MALRD1: variants seen among roughly 807,000 people sequenced by gnomAD.
The protein encoded by MALRD1 is MAM and LDL-receptor class A domain-containing protein 1.
In MALRD1, 247 loss-of-function variants were observed where a neutral mutation model predicts 242.1. That is an observed-to-expected ratio of 1.02 (90% CI 0.92 to 1.13). The LOEUF is 1.13. Among genes scored for constraint, MALRD1 ranks in the 50% most tolerant of loss-of-function variants. MALRD1 has a pLI of 0.00. For synonymous variants in MALRD1, 995 were observed against 866.6 expected (o/e 1.15, Z -2.60); for missense variants, 2,989 against 2,533.1 (o/e 1.18, Z -3.86).
intron 8 of MALRD1, among the ~76,000 whole-genome samples, chr10:19,133,460 G>A (rs116044527): frequency 6.6e-6 from 1 of 152,076 alleles, no homozygotes; most frequent in Non-Finnish European, 1.5e-5. Flanking sequence ...TATATTGTTT[G>A]CCTGTAAACG....
chr10:19,429,008 G>A (rs1564331784), intron 28 of MALRD1, among the ~76,000 whole-genome samples: 1 of 152,140 alleles, frequency 6.6e-6, no homozygotes, highest in Admixed American at 6.5e-5. Flanking sequence ...AAGTATTCCT[G>A]TATGTTATTA....
At chr10:19,561,471 C>T (rs1564441936) in intron 32 of MALRD1, among the ~76,000 whole-genome samples, 1 of 152,094 alleles carries the variant, frequency 6.6e-6, no homozygotes, top group African/African-American at 2.4e-5. Context: ...GCAAGTATTT[C>T]CCTTTGCAAT....
intron 36 of MALRD1, among the ~76,000 whole-genome samples, chr10:19,686,825 C>T (rs1370481077): frequency 6.6e-6 from 1 of 152,146 alleles, no homozygotes; most frequent in Admixed American, 6.5e-5. Flanking sequence ...GCATGTGCAA[C>T]ATACATTGGG....
At chr10:19,730,644 T>C (rs895612743) in intron 38 of MALRD1, 62 bp from the exon 39 acceptor site, 1 of 1,477,988 alleles carries the variant, frequency 6.8e-7, no homozygotes, top group Non-Finnish European at 9.1e-7. Flanking sequence ...AACAATAACC[T>C]GAAAATGTAC....
At chr10:19,645,225 A>G (rs923444209) in intron 36 of MALRD1, among the ~76,000 whole-genome samples, 3 of 152,152 alleles carry the variant, frequency 2.0e-5, no homozygotes, top group African/African-American at 7.2e-5. Flanking sequence ...AAAGTCAGGA[A>G]CAACAGGTGC....
chr10:19,437,672 ACAT>A (rs1260595920), intron 28 of MALRD1, among the ~76,000 whole-genome samples: 3 of 152,096 alleles, frequency 2.0e-5, no homozygotes, highest in Non-Finnish European at 2.9e-5. Context: ...TTTGAATATA[ACAT>A]CAACAACTAA....
intron 5 of MALRD1, among the ~76,000 whole-genome samples, chr10:19,111,245 G>A (rs1218576619): frequency 6.6e-6 from 1 of 152,120 alleles, no homozygotes; most frequent in Non-Finnish European, 1.5e-5. Flanking sequence ...TAGTACAAGT[G>A]AGATTTCAGA....
intron 36 of MALRD1, among the ~76,000 whole-genome samples, chr10:19,685,150 T>G (rs986413314): frequency 6.6e-6 from 1 of 152,222 alleles, no homozygotes; most frequent in Admixed American, 6.5e-5. Flanking sequence ...CCAGGTGAGA[T>G]TGCACATTTT....
intron 11 of MALRD1, among the ~76,000 whole-genome samples, chr10:19,147,082 C>G (rs1833751205): frequency 6.6e-6 from 1 of 152,056 alleles, no homozygotes; most frequent in Non-Finnish European, 1.5e-5. Context: ...ATCTCAAACT[C>G]CTGGCCTCAA....
intron 29 of MALRD1, among the ~76,000 whole-genome samples, chr10:19,472,771 G>A (rs1209593223): frequency 6.6e-6 from 1 of 151,376 alleles, no homozygotes; most frequent in Non-Finnish European, 1.5e-5. Context: ...TATTTATGTT[G>A]TTATCTGGCC....
At chr10:19,157,966 C>G (rs1834238522) in intron 12 of MALRD1, among the ~76,000 whole-genome samples, 1 of 152,152 alleles carries the variant, frequency 6.6e-6, no homozygotes, top group Non-Finnish European at 1.5e-5. Context: ...GTTCCTGCAG[C>G]TAATCATTGT....
chr10:19,496,340 C>G (rs1408640214), intron 30 of MALRD1, among the ~76,000 whole-genome samples: 1 of 151,830 alleles, frequency 6.6e-6, no homozygotes, highest in Non-Finnish European at 1.5e-5. Flanking sequence ...CAGCAAATTC[C>G]AAAAAAACAA....
intron 36 of MALRD1, among the ~76,000 whole-genome samples, chr10:19,655,623 CT>C (rs1037909189): frequency 1.4e-5 from 2 of 140,904 alleles, no homozygotes; most frequent in Non-Finnish European, 3.1e-5. Flanking sequence ...AACATAATTG[CT>C]TTGTGAGATA....
chr10:19,198,384 C>T (rs1310052872), intron 14 of MALRD1, among the ~76,000 whole-genome samples: 1 of 152,174 alleles, frequency 6.6e-6, no homozygotes, highest in Non-Finnish European at 1.5e-5. Flanking sequence ...ATGAAGCAGG[C>T]TTGTATCACC....
At position 19,055,950 on chromosome 10, in the gene MALRD1, T is replaced by G. The variant is rs192944477; in HGVS notation, c.199+6813T>G. On this transcript the variant is annotated intron_variant, in intron 1 of 39. Coordinates refer to ENST00000454679, the MANE Select transcript of MALRD1 (RefSeq NM_001142308.3). ...TACACAAACCCTCATGACACACAAC[T>G]TACCTATGTAACAAACTTGCACATG... Among the ~76,000 whole-genome samples the G allele has an allele frequency of 2.7e-3, 411 of 152,296 alleles. 4 individuals are homozygous for G. The highest frequency in any genetic ancestry group is 9.4e-3 in the African/African-American group (391 of 41,570).
chr10:19,581,261 C>T (rs931089994), intron 33 of MALRD1, among the ~76,000 whole-genome samples: 1 of 151,418 alleles, frequency 6.6e-6, no homozygotes, highest in African/African-American at 2.4e-5. Flanking sequence ...GGTACATGTG[C>T]ACAATGTGCA....
chr10:19,284,234 T>C (rs1415232655), intron 21 of MALRD1, among the ~76,000 whole-genome samples: 2 of 149,220 alleles, frequency 1.3e-5, no homozygotes, highest in Non-Finnish European at 3.0e-5. Context: ...AGCATGTTTG[T>C]ATTTTACATA....
chr10:19,281,466 T>C (rs903073315), intron 20 of MALRD1, among the ~76,000 whole-genome samples: 1 of 152,220 alleles, frequency 6.6e-6, no homozygotes, highest in Non-Finnish European at 1.5e-5. Flanking sequence ...TTTTGATAAA[T>C]TCTTTAAGTG....
intron 32 of MALRD1, among the ~76,000 whole-genome samples, chr10:19,543,819 T>C (rs1835089463): frequency 6.6e-6 from 1 of 152,196 alleles, no homozygotes; most frequent in African/African-American, 2.4e-5. Flanking sequence ...TAAATGCTGC[T>C]AAATGAAGTG....
Sources: allele counts gnomAD v4.1 joint callset (sites outside exome capture counted in the v4.1 genomes callset), GRCh38; gene constraint gnomAD v4.1.1; transcripts MANE v1.5; gene names NCBI Gene and HGNC (gene_info 2026-07-23, HGNC 2026-07-21).